Variants in ROBO2 observed in about 807,000 individuals in gnomAD.
The protein encoded by ROBO2 is roundabout guidance receptor 2.
A neutral mutation model predicts 160.8 loss-of-function variants in ROBO2; 53 were observed. The observed-to-expected ratio is 0.33, with a 90% CI of 0.26 to 0.41. The LOEUF is 0.41. Among genes scored for constraint, ROBO2 ranks in the 10% least tolerant of loss-of-function variants. The pLI, the probability that ROBO2 is intolerant of heterozygous loss-of-function variation, is 1.00. For missense variants in ROBO2, 1,577 were observed against 1,722.4 expected, an observed-to-expected ratio of 0.92 and a Z score of 1.49; for synonymous variants, 664 against 611.7, an observed-to-expected ratio of 1.09 and a Z score of -1.26.
chr3:77,220,183 G>A (rs1317827434), intron 2 of ROBO2, among the ~76,000 whole-genome samples: 2 of 151,870 alleles, frequency 1.3e-5, no homozygotes, highest in African/African-American at 4.8e-5. Context: ...GCTAATTTTT[G>A]TAATTTTTAG....
At chr3:76,381,232 G>A (rs986470624) in intron 2 of ROBO2, among the ~76,000 whole-genome samples, 3 of 152,118 alleles carry the variant, frequency 2.0e-5, no homozygotes, top group Admixed American at 6.5e-5. Flanking sequence ...TCATGAAAAA[G>A]TTGGTTACTG....
intron 2 of ROBO2, among the ~76,000 whole-genome samples, chr3:77,385,028 G>A (rs1411141506): frequency 1.3e-5 from 2 of 152,042 alleles, no homozygotes; most frequent in Non-Finnish European, 2.9e-5. Flanking sequence ...TGTTTGTTTT[G>A]TTTTTGTTTC....
rs143070413 is a variant in ROBO2, at chr3:76,870,032, G to T, written c.110-227982G>T. 1.1e-3 allele frequency among the ~76,000 whole-genome samples: 165 copies of T among 152,200 alleles called. 5 individuals carry two copies. The South Asian group carries it at 0.033, about 30-fold the overall frequency. On this transcript the variant is annotated intron_variant, in intron 2 of 26. Transcript: ENST00000487694. Reference sequence around the variant, plus strand: ...ATCACATAATACACCCAGTTTCCTAGGACCTATTGCATGAGAGTGGAACTG... The same window carrying T: ...ATCACATAATACACCCAGTTTCCTATGACCTATTGCATGAGAGTGGAACTG...
At chr3:76,098,926 G>A (rs920239504) in intron 2 of ROBO2, among the ~76,000 whole-genome samples, 8 of 152,116 alleles carry the variant, frequency 5.3e-5, no homozygotes, top group African/African-American at 1.9e-4. Flanking sequence ...CGATATGAAA[G>A]CATTAATTTC....
intron 1 of ROBO2, among the ~76,000 whole-genome samples, chr3:75,925,130 T>G (rs1947236286): frequency 2.0e-5 from 3 of 152,022 alleles, no homozygotes; most frequent in Non-Finnish European, 4.4e-5. Flanking sequence ...CGATGGCTCA[T>G]TCATGTCATC....
chr3:76,709,452 G>T (rs267162), intron 2 of ROBO2, among the ~76,000 whole-genome samples: 71,310 of 152,054 alleles, frequency 0.47, 17,190 homozygotes, highest in Non-Finnish European at 0.53. Context: ...GGAAGGAAAA[G>T]CTTCTTCAGA....
In ROBO2 at chr3:76,662,296, T is replaced by C. The variant is rs370045833; in HGVS notation, c.110-435718T>C. Among the ~76,000 whole-genome samples the C allele has an allele frequency of 6.0e-4, 92 of 152,322 alleles. No individual in the cohort carries two copies. The South Asian group carries it at 0.018, about 30-fold the overall frequency. On this transcript the variant is annotated intron_variant, in intron 2 of 26. Coordinates refer to the ROBO2 transcript ENST00000487694. ...GTTGTTCTTGCAAGTCAACTGACCA[T>C]GTTACCATAGGGCAACTTATTACTT...
At chr3:77,128,426 G>T (rs1264638296) in intron 2 of ROBO2, among the ~76,000 whole-genome samples, 2 of 152,160 alleles carry the variant, frequency 1.3e-5, no homozygotes, top group Non-Finnish European at 2.9e-5. Flanking sequence ...ATATCCAAGT[G>T]GGGGTTTTCG....
chr3:76,146,109 C>A (rs2071876626), intron 2 of ROBO2, among the ~76,000 whole-genome samples: 1 of 151,976 alleles, frequency 6.6e-6, no homozygotes, highest in Non-Finnish European at 1.5e-5. Flanking sequence ...TTGTCTCTTT[C>A]TCCTGCATCT....
At chr3:77,643,056 G>A (rs1228806027) in intron 24 of ROBO2, 113 bp downstream of exon 26, 2 of 391,944 alleles carry the variant, frequency 5.1e-6, no homozygotes, top group Non-Finnish European at 1.0e-5. Flanking sequence ...GCCTTCAATC[G>A]TAATGGAATT....
At chr3:76,496,198 ATCTTCACGTGACAAATATCAC>A (rs143645349) in intron 2 of ROBO2, among the ~76,000 whole-genome samples, 5,394 of 152,292 alleles carry the variant, frequency 0.035, 327 homozygotes, top group African/African-American at 0.12. Flanking sequence ...CACCCATTTC[ATCTTCACGTGACAAATATCAC>A]TCTTCATTCT....
chr3:76,254,432 GAC>G (rs1706228371), intron 2 of ROBO2, among the ~76,000 whole-genome samples: 1 of 152,060 alleles, frequency 6.6e-6, no homozygotes, highest in Non-Finnish European at 1.5e-5. Context: ...ATTTTTGTAA[GAC>G]ACAGAATTTT....
intron 2 of ROBO2, among the ~76,000 whole-genome samples, chr3:76,748,123 A>G (rs1407503167): frequency 1.3e-5 from 2 of 151,908 alleles, no homozygotes; most frequent in Non-Finnish European, 1.5e-5. Context: ...TATTTTTGAA[A>G]CCAGCCTATA....
rs1387607389 is a variant in ROBO2, at chr3:76,832,526, C to T, written c.110-265488C>T. On this transcript the variant is annotated intron_variant, in intron 2 of 26. Coordinates refer to the ROBO2 transcript ENST00000487694. ...AGAGAATCATGATACAAGATAAATG[C>T]TCCCTTGAGAAAGGGAACTTTCATT... Among the ~76,000 whole-genome samples, 6 of 152,128 alleles carry T rather than the reference C, an allele frequency of 3.9e-5. No homozygotes were observed. The South Asian group carries it at 1.2e-3, about 32-fold the overall frequency.
chr3:77,646,797 A>C (rs1308377467), exon 26 of ROBO2: 1 of 152,512 alleles, frequency 6.6e-6, no homozygotes, highest in Non-Finnish European at 1.5e-5. Flanking sequence ...ATATGCATTA[A>C]AGTATGCAGG....
At chr3:77,107,332 G>C (rs2072943546) in intron 2 of ROBO2, among the ~76,000 whole-genome samples, 1 of 152,138 alleles carries the variant, frequency 6.6e-6, no homozygotes, top group Admixed American at 6.5e-5. Context: ...TTGTAAGAGA[G>C]GCAGGTGTTT....
At chr3:76,662,738 C>A (rs2091878125) in intron 2 of ROBO2, among the ~76,000 whole-genome samples, 1 of 152,020 alleles carries the variant, frequency 6.6e-6, no homozygotes, top group Non-Finnish European at 1.5e-5. Flanking sequence ...AGAGCTATGT[C>A]AGGAACAGGG....
chr3:76,768,468 T>C (rs2061692220), intron 2 of ROBO2, among the ~76,000 whole-genome samples: 1 of 151,422 alleles, frequency 6.6e-6, no homozygotes, highest in African/African-American at 2.4e-5. Context: ...TTTAATCACT[T>C]CTTTGTTCTA....
intron 2 of ROBO2, among the ~76,000 whole-genome samples, chr3:76,787,144 T>C (rs1022445074): frequency 6.6e-6 from 1 of 151,142 alleles, no homozygotes. Flanking sequence ...CCTCCCACCA[T>C]GTCCCTCACT....
Sources: allele counts gnomAD v4.1 joint callset (sites outside exome capture counted in the v4.1 genomes callset), GRCh38; gene constraint gnomAD v4.1.1; transcripts MANE v1.5; gene names NCBI Gene and HGNC (gene_info 2026-07-23, HGNC 2026-07-21).